PTCHD4: variants seen among roughly 807,000 people sequenced by gnomAD.
PTCHD4 encodes patched domain containing 4.
A neutral mutation model predicts 58.1 loss-of-function variants in PTCHD4; 33 were observed. The ratio of observed to expected loss-of-function variants is 0.57; its 90% CI spans 0.43 to 0.76. The LOEUF is 0.76. Ranked by LOEUF, PTCHD4 falls within the 30% of genes least tolerant of loss-of-function variation. The probability of loss-of-function intolerance (pLI) is 0.00; values close to 1 mark genes in which losing one functional copy is unlikely to be tolerated. For synonymous variants in PTCHD4, 478 were observed against 409.6 expected, an observed-to-expected ratio of 1.17 and a Z score of -2.02; for missense variants, 1,058 against 1,027.1, an observed-to-expected ratio of 1.03 and a Z score of -0.41.
chr6:47,943,757 A>G (rs1312985459), intron 4 of PTCHD4, among the ~76,000 whole-genome samples: 4 of 152,036 alleles, frequency 2.6e-5, no homozygotes, highest in Non-Finnish European at 4.4e-5. Flanking sequence ...AATATCCACA[A>G]TCTGTCCCTT....
chr6:47,886,840 A>G (rs1419851863), intron 4 of PTCHD4, among the ~76,000 whole-genome samples: 1 of 152,186 alleles, frequency 6.6e-6, no homozygotes, highest in African/African-American at 2.4e-5. Flanking sequence ...CACCACTCGA[A>G]CATGCGTGAT....
At chr6:47,907,260 G>C (rs1345105521) in intron 4 of PTCHD4, among the ~76,000 whole-genome samples, 2 of 152,024 alleles carry the variant, frequency 1.3e-5, no homozygotes, top group Non-Finnish European at 2.9e-5. Context: ...AAATGGTCTT[G>C]GTATTATTTT....
At chr6:48,031,245 C>A (rs1050155757) in intron 3 of PTCHD4, among the ~76,000 whole-genome samples, 2 of 152,092 alleles carry the variant, frequency 1.3e-5, no homozygotes, top group Non-Finnish European at 2.9e-5. Flanking sequence ...TCCTAGTTTG[C>A]CTTCAGCAAG....
Position 48,068,808 on chromosome 6 carries a change from C to G in PTCHD4, c.5+145G>C. 2 of 634,938 alleles carry G rather than the reference C, an allele frequency of 3.1e-6. No individual in the cohort carries two copies. Among genetic ancestry groups the G allele is most frequent in the Non-Finnish European group, 5.4e-6 (2 of 370,920 alleles). 39.3% of individuals were successfully genotyped at this position (634,938 alleles called of 1,614,324 possible). ...TTCCCCGGCCCCACCTCCATGCGCT[C>G]CTACTACTCTTTCAAACACTGCAGC... On this transcript the variant is annotated intron_variant, in intron 2 of 4. Coordinates refer to ENST00000339488, the MANE Select transcript of PTCHD4 (RefSeq NM_001384253.1). The surrounding 1 kb of genome is among the most constrained non-coding windows in gnomAD (Gnocchi z 4.2).
intron 4 of PTCHD4, among the ~76,000 whole-genome samples, chr6:47,987,561 C>T (rs1194206507): frequency 6.6e-6 from 1 of 151,866 alleles, no homozygotes; most frequent in Non-Finnish European, 1.5e-5. Context: ...AAAATAAACA[C>T]ATAGATACAC....
intron 4 of PTCHD4, among the ~76,000 whole-genome samples, chr6:47,996,307 A>G (rs1174619381): frequency 1.3e-5 from 2 of 152,078 alleles, no homozygotes; most frequent in Non-Finnish European, 2.9e-5. Flanking sequence ...CATCTCTACT[A>G]TTAATAAAAA....
intron 4 of PTCHD4, among the ~76,000 whole-genome samples, chr6:47,940,541 C>A (rs1245638983): frequency 6.6e-6 from 1 of 152,164 alleles, no homozygotes; most frequent in African/African-American, 2.4e-5. Context: ...AAAGCATTAG[C>A]CTTTCTAGGT....
At chr6:48,034,587 T>C (rs1171903781) in intron 3 of PTCHD4, among the ~76,000 whole-genome samples, 1 of 152,112 alleles carries the variant, frequency 6.6e-6, no homozygotes, top group Non-Finnish European at 1.5e-5. Context: ...GAGATAGTAT[T>C]GTTGACATTT....
intron 1 of PTCHD4, among the ~76,000 whole-genome samples, chr6:48,109,817 G>A (rs1231219500): frequency 6.6e-6 from 1 of 151,810 alleles, no homozygotes; most frequent in Non-Finnish European, 1.5e-5. Flanking sequence ...TCGCCAAAAG[G>A]TATGTAAAAA....
chr6:48,078,854 C>T (rs1765108890), intron 1 of PTCHD4, among the ~76,000 whole-genome samples: 1 of 152,120 alleles, frequency 6.6e-6, no homozygotes, highest in Non-Finnish European at 1.5e-5. Flanking sequence ...CGCGGTGGCT[C>T]ATGCCTGTAA....
chr6:47,942,246 C>T lies in PTCHD4; in HGVS notation c.899-62310G>A, dbSNP rs147060095. ...GATCCCAACTGGGGAGTTGCAAATA[C>T]ATCCTAGACAATGACACCATCACTG... On this transcript the variant is annotated intron_variant, in intron 4 of 4. Transcript: ENST00000339488. Among the ~76,000 whole-genome samples, 19 of 152,312 alleles carry T rather than the reference C, an allele frequency of 1.2e-4. 1 individual carries two copies. In the East Asian group the frequency reaches 3.7e-3, roughly 29 times the overall value.
intron 4 of PTCHD4, among the ~76,000 whole-genome samples, chr6:47,935,574 A>T (rs1765969815): frequency 1.3e-5 from 2 of 152,204 alleles, no homozygotes; most frequent in African/African-American, 4.8e-5. Flanking sequence ...GGAATTCATC[A>T]GTACCAAATA....
intron 4 of PTCHD4, among the ~76,000 whole-genome samples, chr6:47,911,879 A>G (rs779542006): frequency 4.3e-4 from 66 of 152,124 alleles, no homozygotes; most frequent in Non-Finnish European, 7.2e-4. Context: ...AATGTCAAAG[A>G]GACCCTTGGA....
In PTCHD4 at chr6:48,068,203, A is replaced by C; in HGVS notation, c.417+27T>G. 6.6e-7 allele frequency: 1 copy of C among 1,520,168 alleles called. No homozygotes were observed. The highest frequency in any genetic ancestry group is 1.3e-5 in the South Asian group (1 of 75,506). The allele number at this position is 1,520,168 out of a possible 1,614,324, so 94.2% of individuals were successfully genotyped here. On this transcript the variant is annotated intron_variant, in intron 3 of 4. Coordinates refer to ENST00000339488, the MANE Select transcript of PTCHD4 (RefSeq NM_001384253.1). This position sits in a 1 kb window ranked among gnomAD's most constrained non-coding sequence, Gnocchi z 4.2. ...TTCTCAACACACACAGATGGGAAAA[A>C]GTATAATTATAGCCCTTGTGGTTCA...
rs902920466 is a variant in PTCHD4 at position 47,866,129 on chromosome 6, A to T, written c.*12174T>A. On this transcript the variant is annotated 3_prime_UTR_variant, in exon 5 of 5. Coordinates refer to ENST00000339488, the MANE Select transcript of PTCHD4 (RefSeq NM_001384253.1). ...CTGGATATCTCCTTTTGGACTCTGT[A>T]CAAGTTCTGGCTTATATTCTAGTTA... 2.1e-4 allele frequency among the ~76,000 whole-genome samples: 32 copies of T among 151,898 alleles called. No homozygotes were observed. Among genetic ancestry groups the T allele is most frequent in the Admixed American group, 1.1e-3 (16 of 15,208 alleles).
chr6:47,956,436 A>T (rs1485488496), intron 4 of PTCHD4, among the ~76,000 whole-genome samples: 22 of 150,332 alleles, frequency 1.5e-4, no homozygotes, highest in African/African-American at 5.4e-4. Context: ...TTTTTTTTTT[A>T]TTTTTATTTT....
At position 47,874,468 on chromosome 6, in the gene PTCHD4, T is replaced by C. The variant is rs1763795139; in HGVS notation, c.*3835A>G. On this transcript the variant is annotated 3_prime_UTR_variant, in exon 5 of 5. Transcript: ENST00000339488. ...AAAATATGTGACTGTAATTATGATA[T>C]TTACAGTCAACTTATAAAAATACAT... is the stretch of plus-strand genomic sequence containing the variant. 1.3e-5 allele frequency among the ~76,000 whole-genome samples: 2 copies of C among 151,850 alleles called. No individual in the cohort carries two copies. Among genetic ancestry groups the C allele is most frequent in the Middle Eastern group, 3.4e-3 (1 of 294 alleles).
chr6:48,032,936 T>C (rs1189953415), intron 3 of PTCHD4, among the ~76,000 whole-genome samples: 2 of 152,184 alleles, frequency 1.3e-5, no homozygotes, highest in Non-Finnish European at 2.9e-5. Context: ...TGTTTGATTT[T>C]GTTTTCTTTT....
chr6:47,932,686 C>T (rs965664153), intron 4 of PTCHD4, among the ~76,000 whole-genome samples: 8 of 152,286 alleles, frequency 5.3e-5, no homozygotes, highest in African/African-American at 1.7e-4. Flanking sequence ...TTTTGAAGGG[C>T]GCCCACATAT....
Sources: gnomAD v4.1 joint callset for allele counts (sites outside exome capture counted in the v4.1 genomes callset) on GRCh38, gnomAD v4.1.1 for gene constraint, Gnocchi (gnomAD v3.1) non-coding constraint, MANE v1.5 for transcripts, NCBI Gene and HGNC (gene_info 2026-07-23, HGNC 2026-07-21) for gene names.